MEG3: variants seen among roughly 807,000 people sequenced by gnomAD.
MEG3 encodes the protein Very putative protein from MEG3 locus.
At chr14:100,846,859 T>C (rs1403484007) in intron 3 of MEG3, 2 of 151,848 alleles carry the variant, frequency 1.3e-5, no homozygotes, top group Non-Finnish European at 2.9e-5. Context: ...CATTTGACAA[T>C]GAAAAAGAAC....
chr14:100,846,279 G>A (rs1428963722), intron 3 of MEG3: 2 of 152,238 alleles, frequency 1.3e-5, no homozygotes, highest in East Asian at 3.9e-4. Context: ...TCATGGGGAT[G>A]GTCATTCACC....
chr14:100,847,554 A>T (rs1566733804), intron 3 of MEG3: 1 of 152,256 alleles, frequency 6.6e-6, no homozygotes, highest in East Asian at 1.9e-4. Context: ...GTGGCAAAAG[A>T]TCATCACAGA....
At chr14:100,858,603 C>G (rs965332001) in exon 1 of MEG3, 2 of 153,042 alleles carry the variant, frequency 1.3e-5, no homozygotes, top group Non-Finnish European at 2.9e-5. Flanking sequence ...TGCCCCGGCT[C>G]TCTTCCACCC....
At chr14:100,827,208 G>T (rs1376931425) in intron 1 of MEG3, among the ~76,000 whole-genome samples, 1 of 152,140 alleles carries the variant, frequency 6.6e-6, no homozygotes, top group African/African-American at 2.4e-5. Flanking sequence ...AGCCCCCCCA[G>T]GCCGCCCCCT....
chr14:100,843,254 A>G (rs142160082), intron 2 of MEG3, among the ~76,000 whole-genome samples: 1 of 152,188 alleles, frequency 6.6e-6, no homozygotes, highest in African/African-American at 2.4e-5. Flanking sequence ...AACAAAACAA[A>G]AACAGCCAAA....
intron 1 of MEG3, among the ~76,000 whole-genome samples, chr14:100,828,191 C>T (rs1267475166): frequency 6.6e-6 from 1 of 152,080 alleles, no homozygotes; most frequent in Non-Finnish European, 1.5e-5. Flanking sequence ...CGGGGCGCCG[C>T]AGGTGGCTGC....
upstream of MEG3, chr14:100,853,275 A>G (rs2038142067): frequency 6.6e-6 from 1 of 152,176 alleles, no homozygotes; most frequent in Non-Finnish European, 1.5e-5. Flanking sequence ...TCCTGGTGAC[A>G]CCAGGAGCTA....
At chr14:100,853,141 G>C (rs2038137474), upstream of MEG3, 1 of 152,256 alleles carries the variant, frequency 6.6e-6, no homozygotes. Flanking sequence ...CAAGGTCCGA[G>C]TTGGGATCCT....
chr14:100,855,047 T>A (rs1427943765), upstream of MEG3: 1 of 152,700 alleles, frequency 6.5e-6, no homozygotes, highest in Non-Finnish European at 1.5e-5. Flanking sequence ...CAAGGAGGGC[T>A]CGCCCTTCTT....
Position 100,845,078 on chromosome 14 carries a change from C to T in MEG3, n.3046-380C>T, listed in dbSNP as rs917829707. 1.8e-4 allele frequency among the ~76,000 whole-genome samples: 28 copies of T among 152,206 alleles called. No individual in the cohort carries two copies. Among genetic ancestry groups the T allele is most frequent in the African/African-American group, 6.8e-4 (28 of 41,454 alleles). On this transcript the variant is annotated intron_variant and non_coding_transcript_variant, in intron 2 of 3. Coordinates refer to the MEG3 transcript ENST00000398461. The surrounding 1 kb of genome is among the most constrained non-coding windows in gnomAD (Gnocchi z 5.2). ...CTCCTCCAGGGCCAGCCATCCTGCT[C>T]GCCGACCTGGGCACCTTGCTTCTGC... is the stretch of plus-strand genomic sequence containing the variant.
rs1425520650 is a variant in MEG3, at chr14:100,837,866, TTGTC to T, written n.3045+1569_3045+1572del. On this transcript the variant is annotated intron_variant and non_coding_transcript_variant, in intron 2 of 3. Transcript: ENST00000398461. This position sits in a 1 kb window ranked among gnomAD's most constrained non-coding sequence, Gnocchi z 5.8. ...GCGCTCTAACCTGGGGCTGTTGCCT[TTGTC>T]TGCTTGTTTCTGCTCTCTGGAGAGC... Among the ~76,000 whole-genome samples the T allele has an allele frequency of 6.6e-6, 1 of 151,984 alleles. No individual in the cohort carries two copies. Among genetic ancestry groups the T allele is most frequent in the Non-Finnish European group, 1.5e-5 (1 of 68,000 alleles).
At chr14:100,846,584 A>G (rs888511189) in intron 3 of MEG3, 3 of 152,256 alleles carry the variant, frequency 2.0e-5, no homozygotes, top group Non-Finnish European at 4.4e-5. Flanking sequence ...TTTCACTGGT[A>G]TCTATTGCAT....
rs532238243 is a variant in MEG3, at chr14:100,835,247, G to A, written n.2279G>A. 2.8e-4 allele frequency: 49 copies of A among 174,822 alleles called. No individual in the cohort carries two copies. In the South Asian group the frequency reaches 3.0e-3, roughly 11 times the overall value. The allele number at this position is 174,822 out of a possible 1,614,324, so 10.8% of individuals were successfully genotyped here. On this transcript the variant is annotated non_coding_transcript_exon_variant, in exon 1 of 4. Transcript: ENST00000398461. ...CCTGAGTCTCTCAGGACCAAAGTGGGCACGGGAACAGCTGTAGTGTGTGCC... is the reference window on the plus strand; with the variant it reads ...CCTGAGTCTCTCAGGACCAAAGTGGACACGGGAACAGCTGTAGTGTGTGCC...
At chr14:100,850,977 G>C (rs2038054497) in intron 3 of MEG3, 1 of 152,444 alleles carries the variant, frequency 6.6e-6, no homozygotes, top group Non-Finnish European at 1.5e-5. Flanking sequence ...GTGGCTGTAG[G>C]CATGTCATGT....
chr14:100,836,324 C>T (rs1455351441), intron 2 of MEG3: 1 of 455,748 alleles, frequency 2.2e-6, no homozygotes, highest in East Asian at 7.0e-5. Flanking sequence ...TTTCTTGAGA[C>T]CCAGGATTTT....
chr14:100,834,135 A>C (rs1426751679), downstream of MEG3: 1 of 152,350 alleles, frequency 6.6e-6, no homozygotes, highest in Non-Finnish European at 1.5e-5. Flanking sequence ...AGACCTCTGA[A>C]GCTGAGATCA....
chr14:100,826,698 C>T (rs1336832974), intron 1 of MEG3, among the ~76,000 whole-genome samples: 2 of 152,212 alleles, frequency 1.3e-5, no homozygotes, highest in South Asian at 2.1e-4. Flanking sequence ...GCCTCGCCAG[C>T]TGTTGGCCAG....
chr14:100,838,661 C>T (rs567810019), intron 2 of MEG3, among the ~76,000 whole-genome samples: 211 of 152,142 alleles, frequency 1.4e-3, no homozygotes, highest in African/African-American at 4.7e-3. Flanking sequence ...CATTTGTCAT[C>T]GTGCTGATTC....
intron 1 of MEG3, among the ~76,000 whole-genome samples, chr14:100,826,784 A>C (rs1440069536): frequency 6.6e-6 from 1 of 152,148 alleles, no homozygotes; most frequent in African/African-American, 2.4e-5. Flanking sequence ...ACACAGGTTT[A>C]GTGCAGTGTG....
Sources: gnomAD v4.1 joint callset for allele counts (sites outside exome capture counted in the v4.1 genomes callset) on GRCh38, gnomAD v4.1.1 for gene constraint, Gnocchi (gnomAD v3.1) non-coding constraint, MANE v1.5 for transcripts, NCBI Gene and HGNC (gene_info 2026-07-23, HGNC 2026-07-21) for gene names.